The following ANK3 variants were observed in gnomAD, a reference collection of about 807,000 sequenced individuals.
ANK3 encodes ankyrin 3.
Under a neutral mutation model 370.9 loss-of-function variants are expected in ANK3, and 57 were observed. The observed-to-expected ratio is 0.15, with a 90% confidence interval of 0.12 to 0.19. The LOEUF (loss-of-function observed/expected upper bound fraction) is 0.19. Among genes scored for constraint, ANK3 ranks in the 10% least tolerant of loss-of-function variants. ANK3 has a pLI of 1.00. For synonymous variants in ANK3, 1,929 were observed against 1,946.3 expected (o/e 0.99, Z 0.23); for missense variants, 4,439 against 5,302.1 (o/e 0.84, Z 5.06).
intron 2 of ANK3, among the ~76,000 whole-genome samples, chr10:60,411,957 C>A (rs1435798773): frequency 6.6e-6 from 1 of 152,136 alleles, no homozygotes; most frequent in Non-Finnish European, 1.5e-5. Flanking sequence ...ATGGATCCTG[C>A]AATCTTTCTT....
rs1465089476 is a variant in ANK3, at chr10:60,075,068, C to T, written c.5813G>A (p.Arg1938Lys). 4 of 1,614,030 alleles carry T rather than the reference C, an allele frequency of 2.5e-6. No homozygotes were observed. The highest frequency in any genetic ancestry group is 2.5e-6 in the Non-Finnish European group (3 of 1,180,000). ...TTTGAAAGGTTCTTCATCATCTATT[C>T]TCCCTTCCTTTGGGAGTTCAGGTTG... ...PFQPELPKEG[R>K]IDDEEPFKIV... The change falls in exon 37 of 44, where the codon AGA becomes AAA. Residue 1938 changes from arginine to lysine, a missense_variant. By Grantham distance (26) the Arg-to-Lys change is conservative. Around this residue, in one of 13 missense-constraint regions of ANK3, gnomAD observed 679 missense variants for 791.0 expected, o/e 0.86. Coordinates refer to ENST00000280772, the MANE Select transcript of ANK3 (RefSeq NM_020987.5).
intron 25 of ANK3, among the ~76,000 whole-genome samples, chr10:60,127,354 C>T (rs1040689651): frequency 1.3e-5 from 2 of 152,084 alleles, no homozygotes; most frequent in Non-Finnish European, 2.9e-5. Flanking sequence ...GTTAGGGATT[C>T]GACCATCAGA....
chr10:60,361,915 A>T (rs950875412), intron 1 of ANK3, among the ~76,000 whole-genome samples: 5 of 152,180 alleles, frequency 3.3e-5, no homozygotes, highest in African/African-American at 1.2e-4. Context: ...CTTATTGGAA[A>T]ACACATACAC....
chr10:60,048,334 G>T (rs1462939909), intron 42 of ANK3, among the ~76,000 whole-genome samples: 1 of 152,184 alleles, frequency 6.6e-6, no homozygotes, highest in Non-Finnish European at 1.5e-5. Flanking sequence ...CCCATCAAAT[G>T]GTTCCCAGGA....
At chr10:60,548,431 G>T (rs2077019770) in intron 2 of ANK3, among the ~76,000 whole-genome samples, 1 of 151,534 alleles carries the variant, frequency 6.6e-6, no homozygotes, top group Non-Finnish European at 1.5e-5. Context: ...TTGTTTTTTA[G>T]TAGAGACGGG....
At chr10:60,216,694 G>C (rs544155828) in intron 8 of ANK3, among the ~76,000 whole-genome samples, 5 of 152,094 alleles carry the variant, frequency 3.3e-5, no homozygotes, top group African/African-American at 1.2e-4. Flanking sequence ...TTTTCTCATC[G>C]ATGTTCATCA....
At chr10:60,364,459 C>T (rs539113099) in intron 1 of ANK3, among the ~76,000 whole-genome samples, 63 of 151,910 alleles carry the variant, frequency 4.1e-4, no homozygotes, top group Non-Finnish European at 6.8e-4. Flanking sequence ...AACCAAACAC[C>T]GCATGTTCTC....
chr10:60,554,431 A>T (rs955965816), intron 2 of ANK3, among the ~76,000 whole-genome samples: 14 of 152,190 alleles, frequency 9.2e-5, no homozygotes, highest in Admixed American at 9.2e-4. Context: ...CCTATAGTGC[A>T]AAATCCTAGC....
At position 60,733,460 on chromosome 10, in the gene ANK3, C is replaced by G. The variant is rs114221106; in HGVS notation, c.-141G>C. On this transcript the variant is annotated 5_prime_UTR_variant, in exon 1 of 44. Transcript: ENST00000373827. ...ACACCAAGCGCGGCCCCGCGACGCC[C>G]GCCCAGCGCGGCCTATCCTCCTCCT... The G allele has an allele frequency of 1.3e-3, 934 of 731,032 alleles. 10 individuals carry two copies. The African/African-American group carries it at 0.016, about 13-fold the overall frequency. 45.3% of individuals were successfully genotyped at this position (731,032 alleles called of 1,614,324 possible).
intron 1 of ANK3, among the ~76,000 whole-genome samples, chr10:60,716,990 G>A (rs1332812860): frequency 6.6e-6 from 1 of 152,176 alleles, no homozygotes; most frequent in Non-Finnish European, 1.5e-5. Context: ...TACTTATACA[G>A]CCAGTGATTT....
At chr10:60,497,915 G>T (rs2075701385) in intron 2 of ANK3, among the ~76,000 whole-genome samples, 1 of 152,162 alleles carries the variant, frequency 6.6e-6, no homozygotes, top group South Asian at 2.1e-4. Context: ...GTATCTCAGA[G>T]AACAGAACTT....
intron 2 of ANK3, among the ~76,000 whole-genome samples, chr10:60,585,918 G>A (rs747686743): frequency 2.0e-5 from 3 of 152,056 alleles, no homozygotes; most frequent in Non-Finnish European, 2.9e-5. Context: ...CAGCTACTTG[G>A]GAGGCTAAGG....
At chr10:60,194,075 C>T (rs955233559) in intron 16 of ANK3, among the ~76,000 whole-genome samples, 1 of 151,960 alleles carries the variant, frequency 6.6e-6, no homozygotes, top group Non-Finnish European at 1.5e-5. Flanking sequence ...GAGCCAAGAT[C>T]GTGCCACTGC....
chr10:60,369,185 C>A lies in ANK3; in HGVS notation c.114+20240G>T, dbSNP rs139389299. Among the ~76,000 whole-genome samples the A allele has an allele frequency of 4.6e-3, 698 of 152,194 alleles. 8 individuals are homozygous for A. Among genetic ancestry groups the A allele is most frequent in the African/African-American group, 0.016 (650 of 41,516 alleles). On this transcript the variant is annotated intron_variant, in intron 1 of 43. Transcript: ENST00000280772. ...ATTTTCTGGACATATAATTGTAAAG[C>A]AAATAAGCAAATAAAATGAACATCT...
At chr10:60,481,235 G>T (rs533263511) in intron 2 of ANK3, among the ~76,000 whole-genome samples, 2 of 152,084 alleles carry the variant, frequency 1.3e-5, no homozygotes, top group African/African-American at 4.8e-5. Context: ...ATCTTTCTAC[G>T]TGCCTGTGTC....
intron 2 of ANK3, among the ~76,000 whole-genome samples, chr10:60,569,016 A>G (rs1023437875): frequency 6.6e-5 from 10 of 151,236 alleles, no homozygotes; most frequent in African/African-American, 2.2e-4. Context: ...CTGTGAGAAA[A>G]TAAATTTGTG....
At chr10:60,414,714 A>T (rs2063625746) in intron 2 of ANK3, among the ~76,000 whole-genome samples, 1 of 152,158 alleles carries the variant, frequency 6.6e-6, no homozygotes, top group African/African-American at 2.4e-5. Flanking sequence ...ATATTACTGG[A>T]TGTCCAAACA....
chr10:60,462,052 AGAG>A (rs771793321), intron 2 of ANK3, among the ~76,000 whole-genome samples: 74 of 152,326 alleles, frequency 4.9e-4, no homozygotes, highest in Admixed American at 8.5e-4. Context: ...AGAACAAAGA[AGAG>A]ATTTACTAAA....
At chr10:60,236,247 A>AGTCTTTTAAGTCTTTCTTAATCTC (rs1565887860) in intron 7 of ANK3, among the ~76,000 whole-genome samples, 4 of 152,166 alleles carry the variant, frequency 2.6e-5, no homozygotes, top group African/African-American at 7.2e-5. Context: ...ATTATCTCTA[A>AGTCTTTTAAGTCTTTCTTAATCTC]CAGATGAGGA....
Sources: allele counts gnomAD v4.1 joint callset (sites outside exome capture counted in the v4.1 genomes callset), GRCh38; gene constraint gnomAD v4.1.1; regional missense constraint gnomAD v4.1.1; transcripts MANE v1.5; gene names NCBI Gene and HGNC (gene_info 2026-07-23, HGNC 2026-07-21).